Variants in NAV3 observed in about 807,000 individuals in gnomAD.
NAV3 encodes the protein neuron navigator 3, also known as pore membrane and/or filament interacting like protein 1.
NAV3 carries 87 observed loss-of-function variants against 244.7 expected under a neutral mutation model. The ratio of observed to expected loss-of-function variants is 0.36; its 90% CI spans 0.30 to 0.42. The LOEUF is 0.42. Ranked by LOEUF, NAV3 falls within the 20% of genes least tolerant of loss-of-function variation. The pLI is 1.00. For missense variants in NAV3, 2,663 were observed against 2,893.3 expected, an observed-to-expected ratio of 0.92 and a Z score of 1.83; for synonymous variants, 1,126 against 1,042.2, an observed-to-expected ratio of 1.08 and a Z score of -1.55.
In NAV3 at chr12:78,188,741, G is replaced by C. The variant is rs2139855630; in HGVS notation, c.6019G>C (p.Val2007Leu). 6.2e-7 allele frequency: 1 copy of C among 1,612,174 alleles called. No homozygotes were observed. Among genetic ancestry groups the C allele is most frequent in the East Asian group, 2.2e-5 (1 of 44,786 alleles). ...TGAATTGCTGCCTTGTGGATACCTTGTTGGAGATAATAACATCATCACTGT... is the reference window on the plus strand; with the variant it reads ...TGAATTGCTGCCTTGTGGATACCTTCTTGGAGATAATAACATCATCACTGT... The part of the protein sequence containing the change: ...VPELLPCGYL[V>L]GDNNIITVNL... Residue 2007 changes from valine to leucine, a missense_variant, in exon 33 of 40, where the codon GTT becomes CTT. Val to Leu is a conservative substitution (Grantham distance 32). Transcript: ENST00000397909.
chr12:77,867,249 G>A (rs1178371204), intron 1 of NAV3, among the ~76,000 whole-genome samples: 1 of 152,136 alleles, frequency 6.6e-6, no homozygotes, highest in Non-Finnish European at 1.5e-5. Context: ...TTATAAGGGA[G>A]TTCCATTTTC....
chr12:77,895,309 T>TTGTGTGTGTGTGTGTGTG (rs71440496), intron 1 of NAV3, among the ~76,000 whole-genome samples: 84 of 148,566 alleles, frequency 5.7e-4, no homozygotes, highest in South Asian at 2.6e-3. Context: ...TTTAGAATGA[T>TTGTGTGTGTGTGTGTGTG]TGTGTGTGTG....
intron 20 of NAV3, among the ~76,000 whole-genome samples, chr12:78,143,158 C>T (rs374689): frequency 0.34 from 50,902 of 151,868 alleles, 8,820 homozygotes; most frequent in East Asian, 0.48. Context: ...AAGAAATTAT[C>T]GCGTGACATC....
chr12:77,772,382 C>T (rs1870138310), intron 2 of NAV3, among the ~76,000 whole-genome samples: 2 of 151,958 alleles, frequency 1.3e-5, no homozygotes, highest in African/African-American at 4.8e-5. Flanking sequence ...CAATGACTTG[C>T]CATCAAATTA....
In NAV3 at chr12:77,593,843, G is replaced by A. The variant is rs1165254057; in HGVS notation, c.72+21577G>A. 2.0e-5 allele frequency among the ~76,000 whole-genome samples: 3 copies of A among 149,188 alleles called. No individual in the cohort carries two copies. The East Asian group carries it at 6.0e-4, about 30-fold the overall frequency. ...AAGGAAGAGAAATTAACTGTGTAGA[G>A]CTTATTAGTTTGTCAAACGTCTTAA... On this transcript the variant is annotated intron_variant, in intron 2 of 8. Coordinates refer to the NAV3 transcript ENST00000550042.
chr12:78,135,547 C>A (rs1214296749), intron 18 of NAV3, among the ~76,000 whole-genome samples: 1 of 152,152 alleles, frequency 6.6e-6, no homozygotes. Flanking sequence ...AAATATCCTC[C>A]TAACCCTATA....
intron 2 of NAV3, among the ~76,000 whole-genome samples, chr12:77,702,302 GTGTATCT>G (rs1875597182): frequency 6.6e-6 from 1 of 151,894 alleles, no homozygotes; most frequent in African/African-American, 2.4e-5. Flanking sequence ...TGGCTGCATG[GTGTATCT>G]TGTTATCTTT....
At chr12:77,669,985 A>C in intron 2 of NAV3, among the ~76,000 whole-genome samples, 1 of 152,136 alleles carries the variant, frequency 6.6e-6, no homozygotes, top group Non-Finnish European at 1.5e-5. Flanking sequence ...AAACAAAAAA[A>C]ATACAAAAGA....
chr12:77,935,391 A>G (rs1209125755), intron 1 of NAV3, among the ~76,000 whole-genome samples: 1 of 152,196 alleles, frequency 6.6e-6, no homozygotes, highest in Non-Finnish European at 1.5e-5. Flanking sequence ...TAAGAGAAAT[A>G]TCATAGAGGC....
At chr12:77,838,766 A>G (rs555330521) in intron 1 of NAV3, among the ~76,000 whole-genome samples, 1 of 152,352 alleles carries the variant, frequency 6.6e-6, no homozygotes, top group Non-Finnish European at 1.5e-5. Flanking sequence ...GGTATAATTA[A>G]AAGAATATTG....
intron 1 of NAV3, among the ~76,000 whole-genome samples, chr12:77,866,975 C>A (rs1880139804): frequency 6.6e-6 from 1 of 152,162 alleles, no homozygotes; most frequent in South Asian, 2.1e-4. Context: ...CCAAGCATGA[C>A]AAGGAGGCCA....
chr12:78,130,432 G>A (rs145671336), intron 18 of NAV3: 271 of 218,784 alleles, frequency 1.2e-3, no homozygotes, highest in African/African-American at 5.3e-3. Context: ...CTGCATGCTC[G>A]GGAATCCCCT....
chr12:77,691,704 T>G (rs917771346), intron 2 of NAV3, among the ~76,000 whole-genome samples: 6 of 151,754 alleles, frequency 4.0e-5, no homozygotes, highest in Non-Finnish European at 5.9e-5. Flanking sequence ...TTGTTTTCAT[T>G]TTTGAGTTAT....
At chr12:77,609,413 G>C (rs143238372) in intron 2 of NAV3, among the ~76,000 whole-genome samples, 13 of 151,964 alleles carry the variant, frequency 8.6e-5, no homozygotes, top group Non-Finnish European at 7.4e-5. Flanking sequence ...AATGTGGAAC[G>C]GAAAATTTCT....
At chr12:77,977,192 A>C (rs1868604482) in intron 5 of NAV3, among the ~76,000 whole-genome samples, 1 of 152,070 alleles carries the variant, frequency 6.6e-6, no homozygotes, top group African/African-American at 2.4e-5. Context: ...TTTGCACTGG[A>C]GACTTTGATG....
chr12:78,100,342 C>T (rs1473054108), intron 12 of NAV3, among the ~76,000 whole-genome samples: 2 of 151,874 alleles, frequency 1.3e-5, no homozygotes, highest in East Asian at 3.9e-4. Flanking sequence ...TCTTTGAGTC[C>T]TCTTGATGGA....
intron 9 of NAV3, among the ~76,000 whole-genome samples, chr12:78,047,770 C>T (rs952734148): frequency 6.6e-6 from 1 of 152,144 alleles, no homozygotes; most frequent in Non-Finnish European, 1.5e-5. Context: ...CTAGGCTGGG[C>T]AAGTTCTCCT....
chr12:78,057,670 T>C (rs928905070), intron 11 of NAV3, among the ~76,000 whole-genome samples: 1 of 152,180 alleles, frequency 6.6e-6, no homozygotes, highest in African/African-American at 2.4e-5. Context: ...CACTGGTAGC[T>C]CACCATCACT....
intron 38 of NAV3, 73 bp from the exon 39 acceptor site, chr12:78,204,862 C>G: frequency 7.4e-7 from 1 of 1,342,386 alleles, no homozygotes; most frequent in Non-Finnish European, 1.0e-6. Context: ...AAATCACATC[C>G]AACTAGCAGT....
Sources: allele counts gnomAD v4.1 joint callset (sites outside exome capture counted in the v4.1 genomes callset), GRCh38; gene constraint gnomAD v4.1.1; transcripts MANE v1.5; gene names NCBI Gene and HGNC (gene_info 2026-07-23, HGNC 2026-07-21).